Variants in MGAM2 observed in about 807,000 individuals in gnomAD.
MGAM2 encodes probable maltase-glucoamylase 2.
In MGAM2, 98 loss-of-function variants were observed where a neutral mutation model predicts 96.1. That is an observed-to-expected ratio of 1.02 (90% CI 0.87 to 1.21). MGAM2 has a LOEUF of 1.21. Ranked by LOEUF, MGAM2 falls within the 50% of genes most tolerant of loss-of-function variation. The probability of loss-of-function intolerance (pLI) is 0.00; values close to 1 mark genes in which losing one functional copy is unlikely to be tolerated. For synonymous variants in MGAM2, 749 were observed against 414.8 expected, an observed-to-expected ratio of 1.81 and a Z score of -9.79; for missense variants, 2,055 against 1,182.4, an observed-to-expected ratio of 1.74 and a Z score of -10.82.
chr7:142,147,553 C>T lies in MGAM2; in HGVS notation c.1614C>T (p.Ser538=), dbSNP rs1251599947. The change falls in exon 15 of 48, where the codon TCC becomes TCT. Residue 538 remains serine, a synonymous_variant. Transcript: ENST00000477922. ...HYDIHSLYGH[S]MARTTNLALE... is the part of the protein sequence containing the mutation. ...ACATCCACAGCTTGTATGGCCACTC[C>T]ATGGCAAGAACCACAAACTTGTAAG... The T allele has an allele frequency of 1.4e-6, 1 of 702,726 alleles. No homozygotes were observed. The allele number at this position is 702,726 out of a possible 1,614,324, so 43.5% of individuals were successfully genotyped here. A position where few individuals can be genotyped will look rare whatever the true frequency, so the allele number is the denominator to read the frequency against.
At chr7:142,190,575 A>G (rs1796839504) in intron 37 of MGAM2, among the ~76,000 whole-genome samples, 1 of 152,028 alleles carries the variant, frequency 6.6e-6, no homozygotes, top group African/African-American at 2.4e-5. Context: ...CACCCAGCCT[A>G]CCATTTTACA....
intron 45 of MGAM2, among the ~76,000 whole-genome samples, chr7:142,204,182 C>T (rs923054499): frequency 2.6e-5 from 4 of 151,654 alleles, no homozygotes; most frequent in African/African-American, 7.2e-5. Flanking sequence ...TAATTTTTGG[C>T]GTATAGTTCT....
At chr7:142,167,969 G>A (rs1340439315) in intron 26 of MGAM2, among the ~76,000 whole-genome samples, 1 of 152,108 alleles carries the variant, frequency 6.6e-6, no homozygotes, top group Non-Finnish European at 1.5e-5. Context: ...GCCAGGATGT[G>A]GCCTTAGATC....
intron 36 of MGAM2, 30 bp downstream of exon 36, chr7:142,187,864 C>G (rs1038738022): frequency 2.9e-6 from 2 of 697,190 alleles, no homozygotes; most frequent in African/African-American, 3.5e-5. Context: ...CATCAACTTA[C>G]TTTCCTACTC....
At chr7:142,207,246 G>A (rs976317795) in intron 45 of MGAM2, among the ~76,000 whole-genome samples, 12 of 152,192 alleles carry the variant, frequency 7.9e-5, no homozygotes, top group South Asian at 2.1e-4. Flanking sequence ...TAAAAATCCT[G>A]AACAGTGTGA....
At chr7:142,114,371 G>A (rs1242588457) in intron 1 of MGAM2, among the ~76,000 whole-genome samples, 2 of 152,034 alleles carry the variant, frequency 1.3e-5, no homozygotes, top group African/African-American at 2.4e-5. Context: ...ATTGTATTCA[G>A]CCACTATGTC....
At chr7:142,184,738 C>T (rs1796643520) in intron 33 of MGAM2, among the ~76,000 whole-genome samples, 3 of 152,184 alleles carry the variant, frequency 2.0e-5, no homozygotes, top group South Asian at 2.1e-4. Flanking sequence ...TTTAGAGTCA[C>T]ACTTCATACT....
At chr7:142,183,949 CCTTTT>C (rs1563281533) in intron 33 of MGAM2, among the ~76,000 whole-genome samples, 13 of 83,196 alleles carry the variant, frequency 1.6e-4, no homozygotes, top group Non-Finnish European at 2.6e-4. Context: ...ATTCCAGGCT[CCTTTT>C]TTTTTTTTTT....
At chr7:142,131,408 G>A in intron 4 of MGAM2, 110 bp from the exon 5 acceptor site, 1 of 635,612 alleles carries the variant, frequency 1.6e-6, no homozygotes, top group Non-Finnish European at 2.8e-6. Flanking sequence ...TTGCACTCCA[G>A]CCTGGGCCAC....
chr7:142,201,949 A>T (rs934144730), intron 45 of MGAM2, among the ~76,000 whole-genome samples: 2 of 150,410 alleles, frequency 1.3e-5, no homozygotes, highest in African/African-American at 4.9e-5. Context: ...GAATATTACC[A>T]TGGAAGACAC....
chr7:142,163,368 G>A (rs1383893196), intron 23 of MGAM2, among the ~76,000 whole-genome samples: 2 of 152,138 alleles, frequency 1.3e-5, no homozygotes, highest in Non-Finnish European at 2.9e-5. Flanking sequence ...TGCAACCTCC[G>A]CCTCCTGCGT....
chr7:142,154,653 C>A (rs1234553173), intron 16 of MGAM2, 76 bp from the exon 17 acceptor site: 1 of 678,502 alleles, frequency 1.5e-6, no homozygotes, highest in African/African-American at 1.8e-5. Flanking sequence ...TTCTCTTTTC[C>A]CTTATCATAT....
At chr7:142,132,200 T>C in intron 6 of MGAM2, 115 bp downstream of exon 6, 1 of 519,840 alleles carries the variant, frequency 1.9e-6, no homozygotes, top group South Asian at 3.0e-5. Context: ...TGTTTGAATA[T>C]TAGAAAAATG....
intron 3 of MGAM2, among the ~76,000 whole-genome samples, chr7:142,130,340 AT>A (rs1327130187): frequency 6.6e-6 from 1 of 152,182 alleles, no homozygotes; most frequent in Non-Finnish European, 1.5e-5. Context: ...ACTCTTTCTC[AT>A]GGGAAAGTCC....
At position 142,134,092 on chromosome 7, in the gene MGAM2, C is replaced by T. The variant is rs1212761094; in HGVS notation, c.687C>T (p.Tyr229=). The change falls in exon 7 of 48, where the codon TAC becomes TAT. Residue 229 remains tyrosine (Y), a synonymous_variant. Coordinates refer to ENST00000477922, the MANE Select transcript of MGAM2 (RefSeq NM_001293626.2). The stretch of plus-strand genomic sequence containing the variant: ...TGGGAGAGCATGTGCACCAGCAGTA[C>T]CGCCACAATATGACCTGGAAGACTT... ...YGLGEHVHQQ[Y]RHNMTWKTWP... 6 of 763,386 alleles carry T rather than the reference C, an allele frequency of 7.9e-6. No homozygotes were observed. In the African/African-American group the frequency reaches 8.5e-5, roughly 11 times the overall value. The allele number at this position is 763,386 out of a possible 1,614,324, so 47.3% of individuals were successfully genotyped here. A position where few individuals can be genotyped will look rare whatever the true frequency, so the allele number is the denominator to read the frequency against.
Position 142,140,829 on chromosome 7 carries a change from A to G in MGAM2, c.1114A>G (p.Met372Val). ...TGTCCAGTACTCTGACATAGACTAC[A>G]TGGATGGAAAGAAGGATTTCACTGT... ...YDVQYSDIDY[M>V]DGKKDFTVDE... The change falls in exon 11 of 48, where the codon ATG becomes GTG. Residue 372 changes from methionine (M) to valine (V), a missense_variant. Coordinates refer to ENST00000477922, the MANE Select transcript of MGAM2 (RefSeq NM_001293626.2). 4.3e-6 allele frequency: 3 copies of G among 702,992 alleles called. No homozygotes were observed. Among genetic ancestry groups the G allele is most frequent in the South Asian group, 1.5e-5 (1 of 67,602 alleles). 43.5% of individuals were successfully genotyped at this position (702,992 alleles called of 1,614,324 possible).
rs142193639 is a variant in MGAM2, at chr7:142,183,892, G to A, written c.3924+519G>A. 1.9e-3 allele frequency among the ~76,000 whole-genome samples: 264 copies of A among 142,480 alleles called. 4 individuals are homozygous for A. The highest frequency in any genetic ancestry group is 5.0e-3 in the African/African-American group (198 of 39,226). The allele number at this position is 142,480 out of a possible 152,430, so 93.5% of individuals were successfully genotyped here. A position where few individuals can be genotyped will look rare whatever the true frequency, so the allele number is the denominator to read the frequency against. On this transcript the variant is annotated intron_variant, in intron 33 of 47. Coordinates refer to ENST00000477922, the MANE Select transcript of MGAM2 (RefSeq NM_001293626.2). ...TGATAATAGCTTTTAGCCTAGGTTC[G>A]AATTCTTCCTTAATTATACTATGCT...
At chr7:142,195,270 G>A (rs1398879126) in intron 37 of MGAM2, among the ~76,000 whole-genome samples, 1 of 150,656 alleles carries the variant, frequency 6.6e-6, no homozygotes, top group Non-Finnish European at 1.5e-5. Flanking sequence ...CTGGCCTCAA[G>A]CAGTCCTTCT....
rs1236224958 is a variant in MGAM2 at position 142,186,131 on chromosome 7, C to T, written c.4122+8C>T. On this transcript the variant is annotated splice_region_variant and intron_variant, in intron 35 of 47. Coordinates refer to ENST00000477922, the MANE Select transcript of MGAM2 (RefSeq NM_001293626.2). The stretch of plus-strand genomic sequence containing the variant: ...TTTGATGGATTGTGGATTGTAAGTG[C>T]ACCCTTGGTTGTCTTTTTTTTTTTT... The T allele has an allele frequency of 2.9e-6, 2 of 686,726 alleles. No individual in the cohort carries two copies. Among genetic ancestry groups the T allele is most frequent in the East Asian group, 2.7e-5 (1 of 36,940 alleles). The allele number at this position is 686,726 out of a possible 1,614,324, so 42.5% of individuals were successfully genotyped here.
Sources: gnomAD v4.1 joint callset for allele counts (sites outside exome capture counted in the v4.1 genomes callset) on GRCh38, gnomAD v4.1.1 for gene constraint, MANE v1.5 for transcripts, NCBI Gene and HGNC (gene_info 2026-07-23, HGNC 2026-07-21) for gene names.